PTPRD: variants seen among roughly 807,000 people sequenced by gnomAD.
PTPRD encodes the protein protein tyrosine phosphatase receptor type D, also known as receptor-type tyrosine-protein phosphatase delta.
PTPRD carries 34 observed loss-of-function variants against 214.5 expected under a neutral mutation model. The observed-to-expected ratio is 0.16, with a 90% CI of 0.12 to 0.21. PTPRD has a LOEUF of 0.21. PTPRD is among the 10% of genes least tolerant of loss of function. The pLI, the probability that PTPRD is intolerant of heterozygous loss-of-function variation, is 1.00. For synonymous variants in PTPRD, 1,128 were observed against 845.7 expected, an observed-to-expected ratio of 1.33 and a Z score of -5.79; for missense variants, 2,545 against 2,398.7, an observed-to-expected ratio of 1.06 and a Z score of -1.27.
intron 21 of PTPRD, among the ~76,000 whole-genome samples, chr9:8,508,404 C>A (rs891902595): frequency 6.6e-6 from 1 of 152,198 alleles, no homozygotes; most frequent in African/African-American, 2.4e-5. Flanking sequence ...GCTGGCACAT[C>A]TAATCGTACA....
intron 2 of PTPRD, among the ~76,000 whole-genome samples, chr9:10,496,153 G>T (rs1002689991): frequency 2.0e-5 from 3 of 151,566 alleles, no homozygotes; most frequent in Non-Finnish European, 2.9e-5. Context: ...TTAATTATTA[G>T]TGATGGCTAT....
intron 7 of PTPRD, among the ~76,000 whole-genome samples, chr9:9,698,308 C>G (rs7859503): frequency 0.01 from 1,525 of 152,212 alleles, 27 homozygotes; most frequent in African/African-American, 0.035. Flanking sequence ...GGTTTCTTTG[C>G]AATATAGTTA....
At chr9:8,385,633 G>A (rs1440794901) in intron 37 of PTPRD, among the ~76,000 whole-genome samples, 1 of 152,092 alleles carries the variant, frequency 6.6e-6, no homozygotes, top group African/African-American at 2.4e-5. Context: ...AAGGGGAGAG[G>A]GGATGTAAAA....
intron 8 of PTPRD, among the ~76,000 whole-genome samples, chr9:9,448,292 C>A (rs1050057361): frequency 6.6e-6 from 1 of 152,030 alleles, no homozygotes; most frequent in Non-Finnish European, 1.5e-5. Flanking sequence ...TAATTGTAGT[C>A]CCCACACGAG....
At chr9:9,361,653 T>G (rs1286854422) in intron 9 of PTPRD, among the ~76,000 whole-genome samples, 1 of 151,086 alleles carries the variant, frequency 6.6e-6, no homozygotes, top group African/African-American at 2.4e-5. Flanking sequence ...TAGAAAGATT[T>G]GAATTATTCT....
chr9:10,472,014 C>A (rs1365946574), intron 2 of PTPRD, among the ~76,000 whole-genome samples: 1 of 151,882 alleles, frequency 6.6e-6, no homozygotes, highest in African/African-American at 2.4e-5. Context: ...AGTTTAAATT[C>A]AAAATTTTAT....
intron 9 of PTPRD, among the ~76,000 whole-genome samples, chr9:9,358,041 C>A (rs1183055840): frequency 1.3e-5 from 2 of 151,304 alleles, no homozygotes; most frequent in East Asian, 3.9e-4. Context: ...TGAGATTTTT[C>A]TATAAGATTT....
At chr9:9,794,684 T>A (rs1026759532) in intron 5 of PTPRD, among the ~76,000 whole-genome samples, 1 of 152,166 alleles carries the variant, frequency 6.6e-6, no homozygotes, top group Non-Finnish European at 1.5e-5. Flanking sequence ...ATATAAGAAT[T>A]ACTATGTTCT....
At chr9:9,553,260 T>TA (rs1482645608) in intron 8 of PTPRD, among the ~76,000 whole-genome samples, 16 of 152,136 alleles carry the variant, frequency 1.1e-4, no homozygotes, top group African/African-American at 3.6e-4. Context: ...TACGGATTTA[T>TA]ACAAAGAAAA....
At chr9:8,401,272 C>T (rs373702136) in intron 36 of PTPRD, among the ~76,000 whole-genome samples, 1 of 151,914 alleles carries the variant, frequency 6.6e-6, no homozygotes, top group South Asian at 2.1e-4. Context: ...TCAAGCAACC[C>T]TCCCACCTCA....
intron 14 of PTPRD, among the ~76,000 whole-genome samples, chr9:8,589,939 C>G (rs1362843049): frequency 3.9e-5 from 6 of 152,080 alleles, no homozygotes; most frequent in Admixed American, 1.3e-4. Context: ...GAAAATTATG[C>G]TGGAAATAAC....
At chr9:9,215,842 T>A (rs73641262) in intron 9 of PTPRD, among the ~76,000 whole-genome samples, 1 of 152,038 alleles carries the variant, frequency 6.6e-6, no homozygotes, top group Non-Finnish European at 1.5e-5. Flanking sequence ...ACCACAACAG[T>A]AAAATAGTAC....
intron 3 of PTPRD, among the ~76,000 whole-genome samples, chr9:10,185,130 C>A (rs2099323725): frequency 6.6e-6 from 1 of 152,112 alleles, no homozygotes; most frequent in Non-Finnish European, 1.5e-5. Context: ...ATCAGAACAG[C>A]ATTAAAGATG....
chr9:9,416,022 C>G (rs2076896641), intron 8 of PTPRD, among the ~76,000 whole-genome samples: 1 of 152,154 alleles, frequency 6.6e-6, no homozygotes. Flanking sequence ...AAAAAACAAA[C>G]AACTGGGTGC....
intron 7 of PTPRD, among the ~76,000 whole-genome samples, chr9:9,607,903 T>C (rs2094276645): frequency 6.6e-6 from 1 of 152,104 alleles, no homozygotes; most frequent in South Asian, 2.1e-4. Context: ...GCACTTGAGC[T>C]GTCCTCAGTC....
intron 10 of PTPRD, among the ~76,000 whole-genome samples, chr9:9,174,855 A>C (rs1336788695): frequency 6.6e-6 from 1 of 152,028 alleles, no homozygotes; most frequent in Non-Finnish European, 1.5e-5. Flanking sequence ...CTTTGGACTG[A>C]ATGTTGCTAG....
intron 5 of PTPRD, among the ~76,000 whole-genome samples, chr9:9,814,896 C>G (rs2048283064): frequency 6.7e-6 from 1 of 149,014 alleles, no homozygotes; most frequent in Non-Finnish European, 1.5e-5. Context: ...ACCTCCTGGG[C>G]TCAAGCGATC....
chr9:9,410,341 A>G (rs1009230979), intron 8 of PTPRD, among the ~76,000 whole-genome samples: 20 of 152,214 alleles, frequency 1.3e-4, no homozygotes, highest in Admixed American at 1.2e-3. Flanking sequence ...GGAAATGTAT[A>G]CCAAAAATAA....
chr9:9,936,585 G>C (rs1286324327), intron 5 of PTPRD, among the ~76,000 whole-genome samples: 1 of 137,390 alleles, frequency 7.3e-6, no homozygotes, highest in Non-Finnish European at 1.5e-5. Context: ...ACAGGTGCTG[G>C]AGAGGATGTG....
Sources: allele counts gnomAD v4.1 joint callset (sites outside exome capture counted in the v4.1 genomes callset), GRCh38; gene constraint gnomAD v4.1.1; transcripts MANE v1.5; gene names NCBI Gene and HGNC (gene_info 2026-07-23, HGNC 2026-07-21).